The following SNAP25 variants were observed in gnomAD, a reference collection of about 807,000 sequenced individuals.
SNAP25 encodes synaptosomal-associated protein 25.
A neutral mutation model predicts 28.7 loss-of-function variants in SNAP25; 3 were observed. That is an observed-to-expected ratio of 0.10 (90% CI 0.05 to 0.27). The LOEUF (loss-of-function observed/expected upper bound fraction) is 0.27. Among genes scored for constraint, SNAP25 ranks in the 10% least tolerant of loss-of-function variants. The pLI is 1.00. For missense variants in SNAP25, 117 were observed against 278.7 expected (o/e 0.42, Z 4.13); for synonymous variants, 61 against 88.1 (o/e 0.69, Z 1.72).
At chr20:10,260,321 G>C (rs1246120031) in intron 1 of SNAP25, among the ~76,000 whole-genome samples, 1 of 152,098 alleles carries the variant, frequency 6.6e-6, no homozygotes, top group African/African-American at 2.4e-5. Context: ...CACAATACTA[G>C]TTGGAAAACT....
At chr20:10,270,010 T>C (rs1384657321) in intron 1 of SNAP25, among the ~76,000 whole-genome samples, 2 of 152,082 alleles carry the variant, frequency 1.3e-5, no homozygotes, top group African/African-American at 2.4e-5. Context: ...TCCCAGCACT[T>C]TGGGAGGCCG....
intron 3 of SNAP25, among the ~76,000 whole-genome samples, chr20:10,281,653 G>T (rs2123043306): frequency 6.6e-6 from 1 of 152,300 alleles, no homozygotes; most frequent in Admixed American, 6.5e-5. Context: ...TGATTTCAGA[G>T]TGTAAGTTCT....
At chr20:10,240,769 T>C (rs2063013069) in intron 1 of SNAP25, among the ~76,000 whole-genome samples, 1 of 152,236 alleles carries the variant, frequency 6.6e-6, no homozygotes, top group African/African-American at 2.4e-5. Context: ...ACATGCATTG[T>C]TCTGATCATG....
intron 1 of SNAP25, among the ~76,000 whole-genome samples, chr20:10,250,078 T>G (rs547783426): frequency 2.6e-5 from 4 of 152,312 alleles, no homozygotes; most frequent in African/African-American, 9.6e-5. Context: ...CTAGACTCCT[T>G]TAGCAACATC....
At chr20:10,225,419 G>T (rs983155313) in intron 1 of SNAP25, among the ~76,000 whole-genome samples, 2 of 152,044 alleles carry the variant, frequency 1.3e-5, no homozygotes, top group Admixed American at 1.3e-4. Context: ...AAAGAGATGG[G>T]GGGAAATCCT....
intron 6 of SNAP25, among the ~76,000 whole-genome samples, chr20:10,298,134 TGGGCCC>T (rs899975451): frequency 5.3e-5 from 8 of 152,150 alleles, no homozygotes; most frequent in African/African-American, 1.9e-4. Flanking sequence ...TACCAGTGTT[TGGGCCC>T]AATCCACACC....
Position 10,299,249 on chromosome 20 carries a change from C to T in SNAP25, c.408-19C>T. ...GTTTTCCACCCTCTGTCTTCTAAAA[C>T]TTGCTCTTTGGATCCCAGGGTAACA... On this transcript the variant is annotated intron_variant, in intron 6 of 7. Coordinates refer to ENST00000254976, the MANE Select transcript of SNAP25 (RefSeq NM_130811.4). 1 of 1,612,706 alleles carries T rather than the reference C, an allele frequency of 6.2e-7. No individual in the cohort carries two copies. The highest frequency in any genetic ancestry group is 8.5e-7 in the Non-Finnish European group (1 of 1,179,238).
chr20:10,242,439 G>A (rs1422434818), intron 1 of SNAP25, among the ~76,000 whole-genome samples: 1 of 152,196 alleles, frequency 6.6e-6, no homozygotes, highest in Non-Finnish European at 1.5e-5. Context: ...TCAAGGGCAA[G>A]GCTCAGGAGA....
chr20:10,224,260 T>TTTTTTTTTTTTTTTTTTTG (rs1438640047), intron 1 of SNAP25, among the ~76,000 whole-genome samples: 1 of 106,192 alleles, frequency 9.4e-6, no homozygotes, highest in Non-Finnish European at 1.9e-5. Context: ...TACATGTCTT[T>TTTTTTTTTTTTTTTTTTTG]TTTTTTTTTT....
chr20:10,287,014 A>G (rs1225939958), intron 4 of SNAP25, among the ~76,000 whole-genome samples: 1 of 152,198 alleles, frequency 6.6e-6, no homozygotes, highest in African/African-American at 2.4e-5. Flanking sequence ...CAGGTGCCCA[A>G]TAGAAGAGTG....
chr20:10,272,687 G>A (rs362576), intron 1 of SNAP25, among the ~76,000 whole-genome samples: 1,565 of 152,216 alleles, frequency 0.01, 34 homozygotes, highest in African/African-American at 0.035. Flanking sequence ...GCCAGAACAC[G>A]CATTCGAAAA....
rs191932042 is a variant in SNAP25, at chr20:10,267,403, G to A, written c.-63-8026G>A. On this transcript the variant is annotated intron_variant, in intron 1 of 7. Transcript: ENST00000254976. ...AAGAATAAAGGTGAGGGTGGGAGGT[G>A]TGGAAGAATCAGTGATTTAAAATAT... Among the ~76,000 whole-genome samples, 247 of 152,324 alleles carry A rather than the reference G, an allele frequency of 1.6e-3. 2 individuals carry two copies. The highest frequency in any genetic ancestry group is 2.8e-3 in the Non-Finnish European group (191 of 68,020).
At chr20:10,260,770 A>T (rs2063401335) in intron 1 of SNAP25, among the ~76,000 whole-genome samples, 1 of 152,202 alleles carries the variant, frequency 6.6e-6, no homozygotes, top group Admixed American at 6.5e-5. Flanking sequence ...GGATGGTAGT[A>T]CATTTACAGT....
At chr20:10,264,861 T>A (rs1247203534) in intron 1 of SNAP25, among the ~76,000 whole-genome samples, 1 of 151,914 alleles carries the variant, frequency 6.6e-6, no homozygotes, top group Non-Finnish European at 1.5e-5. Flanking sequence ...TAACTGGGAA[T>A]CTGCATTTTA....
intron 3 of SNAP25, among the ~76,000 whole-genome samples, chr20:10,282,879 A>C (rs1862979780): frequency 6.6e-6 from 1 of 152,368 alleles, no homozygotes; most frequent in East Asian, 1.9e-4. Flanking sequence ...GTACAGACAA[A>C]AGCCTGTTTA....
At chr20:10,254,317 A>G (rs149410389) in intron 1 of SNAP25, among the ~76,000 whole-genome samples, 1 of 152,292 alleles carries the variant, frequency 6.6e-6, no homozygotes, top group Non-Finnish European at 1.5e-5. Flanking sequence ...GCATGCTCTG[A>G]GGTGCATTTA....
intron 1 of SNAP25, among the ~76,000 whole-genome samples, chr20:10,262,928 G>A (rs1013914064): frequency 4.6e-5 from 7 of 152,000 alleles, no homozygotes; most frequent in Admixed American, 3.9e-4. Flanking sequence ...GGGGGTGGGC[G>A]GTGGGGGGAG....
Position 10,299,419 on chromosome 20 carries a change from A to G in SNAP25, c.552+7A>G. ...CGACAGGATCATGGAGAAGGTGAGC[A>G]CGTGGCAGTCAGCAAGTCCCTACTG... On this transcript the variant is annotated splice_region_variant and intron_variant, in intron 7 of 7. Transcript: ENST00000254976. The G allele has an allele frequency of 6.2e-7, 1 of 1,611,256 alleles. No homozygotes were observed. The highest frequency in any genetic ancestry group is 8.5e-7 in the Non-Finnish European group (1 of 1,177,956).
At chr20:10,255,896 A>G (rs1354775475) in intron 1 of SNAP25, among the ~76,000 whole-genome samples, 2 of 151,850 alleles carry the variant, frequency 1.3e-5, no homozygotes, top group Non-Finnish European at 2.9e-5. Context: ...ACTTACAAAA[A>G]TCGATTCCAT....
Sources: allele counts gnomAD v4.1 joint callset (sites outside exome capture counted in the v4.1 genomes callset), GRCh38; gene constraint gnomAD v4.1.1; transcripts MANE v1.5; gene names NCBI Gene and HGNC (gene_info 2026-07-23, HGNC 2026-07-21).